Variants in CNTNAP5 observed in about 807,000 individuals in gnomAD.
The protein encoded by CNTNAP5 is contactin associated protein family member 5.
Under a neutral mutation model 150.2 loss-of-function variants are expected in CNTNAP5, and 72 were observed. That is an observed-to-expected ratio of 0.48 (90% confidence interval 0.40 to 0.58). The LOEUF (loss-of-function observed/expected upper bound fraction) is 0.58. CNTNAP5 is among the 20% of genes least tolerant of loss of function. CNTNAP5 has a pLI of 0.00. For synonymous variants in CNTNAP5, 672 were observed against 619.8 expected (o/e 1.08, Z -1.25); for missense variants, 1,636 against 1,626.2 (o/e 1.01, Z -0.10).
rs116312999 is a variant in CNTNAP5, at chr2:124,618,312, T to C, written c.1876+8392T>C. On this transcript the variant is annotated intron_variant, in intron 12 of 23. Transcript: ENST00000682447. ...ACTAAGAGGTAGCAACAAGATGTCCTCACAGCATGCATGGACCTTAGCACT... is the reference window on the plus strand; with the variant it reads ...ACTAAGAGGTAGCAACAAGATGTCCCCACAGCATGCATGGACCTTAGCACT... Among the ~76,000 whole-genome samples the C allele has an allele frequency of 2.9e-3, 441 of 152,280 alleles. 1 individual carries two copies. The highest frequency in any genetic ancestry group is 5.4e-3 in the Non-Finnish European group (369 of 68,012).
intron 19 of CNTNAP5, among the ~76,000 whole-genome samples, chr2:124,829,466 G>A (rs113548126): frequency 0.015 from 2,318 of 152,048 alleles, 54 homozygotes; most frequent in African/African-American, 0.053. Context: ...TTTTTAACTA[G>A]CATAATCTGA....
At chr2:124,390,471 A>G (rs1300400015) in intron 3 of CNTNAP5, among the ~76,000 whole-genome samples, 3 of 152,198 alleles carry the variant, frequency 2.0e-5, no homozygotes, top group Non-Finnish European at 4.4e-5. Context: ...CCCCAATCTG[A>G]TAAATATTAT....
At chr2:124,769,095 A>G (rs1384334833) in intron 16 of CNTNAP5, among the ~76,000 whole-genome samples, 1 of 152,098 alleles carries the variant, frequency 6.6e-6, no homozygotes, top group Non-Finnish European at 1.5e-5. Flanking sequence ...GAGGACACAG[A>G]AATGGAGTGT....
intron 1 of CNTNAP5, among the ~76,000 whole-genome samples, chr2:124,085,148 CT>C (rs1433624747): frequency 6.6e-6 from 1 of 151,980 alleles, no homozygotes; most frequent in Admixed American, 6.6e-5. Flanking sequence ...TCTTGAACCC[CT>C]GACCTCGTGA....
chr2:124,880,792 A>T (rs901437239), intron 21 of CNTNAP5, among the ~76,000 whole-genome samples: 3 of 152,158 alleles, frequency 2.0e-5, no homozygotes, highest in African/African-American at 7.2e-5. Flanking sequence ...AATAGTTTTG[A>T]TAAGTGCTTT....
intron 19 of CNTNAP5, among the ~76,000 whole-genome samples, chr2:124,844,192 A>T (rs1477417722): frequency 6.6e-6 from 1 of 151,924 alleles, no homozygotes. Flanking sequence ...TTTGTATAAG[A>T]TGAGAGATGG....
intron 13 of CNTNAP5, among the ~76,000 whole-genome samples, chr2:124,686,237 G>A (rs184458390): frequency 2.0e-5 from 3 of 152,222 alleles, no homozygotes; most frequent in Admixed American, 2.0e-4. Flanking sequence ...ACAGACACTA[G>A]ATAGTTCAGA....
At position 124,360,206 on chromosome 2, in the gene CNTNAP5, C is replaced by T. The variant is rs1188224619; in HGVS notation, c.382-57237C>T. Among the ~76,000 whole-genome samples, 22 of 151,248 alleles carry T rather than the reference C, an allele frequency of 1.5e-4. 1 individual carries two copies. Among genetic ancestry groups the T allele is most frequent in the Non-Finnish European group, 2.7e-4 (18 of 67,808 alleles). On this transcript the variant is annotated intron_variant, in intron 3 of 23. Coordinates refer to ENST00000682447, the MANE Select transcript of CNTNAP5 (RefSeq NM_001367498.1). ...TTTTGAGCCTATGTGTGTCTCTGTACGTGAGATGGGTTTCCTGAATACAGC... is the reference window on the plus strand; with the variant it reads ...TTTTGAGCCTATGTGTGTCTCTGTATGTGAGATGGGTTTCCTGAATACAGC...
intron 3 of CNTNAP5, among the ~76,000 whole-genome samples, chr2:124,413,847 A>G (rs1185985849): frequency 1.4e-5 from 2 of 146,238 alleles, no homozygotes; most frequent in African/African-American, 5.1e-5. Flanking sequence ...TAACCTGCAC[A>G]ATGTGCACAT....
chr2:124,914,616 A>T lies in CNTNAP5; in HGVS notation c.*328A>T. On this transcript the variant is annotated 3_prime_UTR_variant, in exon 24 of 24. Coordinates refer to ENST00000682447, the MANE Select transcript of CNTNAP5 (RefSeq NM_001367498.1). ...TTCCAGTTTCTAAAATGCACTGTTC[A>T]GTTTTCCAACCACTTGGTGGTTCAG... 5.1e-6 allele frequency: 1 copy of T among 194,598 alleles called. No homozygotes were observed. The highest frequency in any genetic ancestry group is 1.1e-4 in the South Asian group (1 of 8,858). The allele number at this position is 194,598 out of a possible 1,614,324, so 12.1% of individuals were successfully genotyped here.
chr2:124,025,926 A>G (rs534589896), intron 1 of CNTNAP5, among the ~76,000 whole-genome samples, 194 bp downstream of exon 1: 1 of 152,238 alleles, frequency 6.6e-6, no homozygotes, highest in African/African-American at 2.4e-5. Context: ...ACCGTGCTGG[A>G]TTTCCTCCCT....
chr2:124,637,581 C>T (rs901637693), intron 12 of CNTNAP5, among the ~76,000 whole-genome samples: 1 of 152,182 alleles, frequency 6.6e-6, no homozygotes, highest in African/African-American at 2.4e-5. Flanking sequence ...TGTAGTATTA[C>T]GTGAGCACAC....
intron 13 of CNTNAP5, among the ~76,000 whole-genome samples, chr2:124,707,191 A>AGAAGAAGAAGAG (rs1679706425): frequency 1.4e-5 from 2 of 147,898 alleles, no homozygotes; most frequent in African/African-American, 4.9e-5. Context: ...AAGAAGAAGA[A>AGAAGAAGAAGAG]GAAGAAGAAG....
intron 7 of CNTNAP5, among the ~76,000 whole-genome samples, chr2:124,477,832 G>T (rs1693677696): frequency 6.6e-6 from 1 of 151,944 alleles, no homozygotes; most frequent in Admixed American, 6.6e-5. Flanking sequence ...TTGAAATCAT[G>T]CACTACCAGA....
intron 2 of CNTNAP5, among the ~76,000 whole-genome samples, chr2:124,232,181 A>T (rs1170623): frequency 1.5e-4 from 23 of 152,076 alleles, no homozygotes; most frequent in Admixed American, 1.5e-3. Flanking sequence ...TTGCAACAAA[A>T]CTGTAAGAAT....
intron 6 of CNTNAP5, among the ~76,000 whole-genome samples, chr2:124,461,120 G>A (rs1008706304): frequency 3.9e-5 from 6 of 151,924 alleles, no homozygotes; most frequent in East Asian, 1.9e-4. Context: ...TCAGTGTGGC[G>A]ATTCCTCAGG....
In CNTNAP5 at chr2:124,536,749, G is replaced by A. The variant is rs144969752; in HGVS notation, c.1649+9293G>A. On this transcript the variant is annotated intron_variant, in intron 10 of 23. Transcript: ENST00000682447. ...GGAAGCAGCACTTCCTGAGGAACTT[G>A]AAGAGCAGGTTGGATTTACGGGGGT... Among the ~76,000 whole-genome samples the A allele has an allele frequency of 1.6e-3, 251 of 152,194 alleles. 1 individual carries two copies. Among genetic ancestry groups the A allele is most frequent in the African/African-American group, 5.7e-3 (237 of 41,516 alleles).
chr2:124,220,285 T>C lies in CNTNAP5; in HGVS notation c.83-1420T>C, dbSNP rs183781838. On this transcript the variant is annotated intron_variant, in intron 1 of 23. Coordinates refer to ENST00000682447, the MANE Select transcript of CNTNAP5 (RefSeq NM_001367498.1). ...CATGAAGTCATTGTTCAATGTCCTA[T>C]GAAATTAAATGTGTACAAGACAAAA... Among the ~76,000 whole-genome samples, 53 of 152,232 alleles carry C rather than the reference T, an allele frequency of 3.5e-4. 1 individual carries two copies. In the East Asian group the frequency reaches 0.01, roughly 29 times the overall value.
chr2:124,372,315 G>A (rs894009065), intron 3 of CNTNAP5, among the ~76,000 whole-genome samples: 3 of 151,972 alleles, frequency 2.0e-5, no homozygotes, highest in African/African-American at 7.3e-5. Flanking sequence ...TTGGACTTGG[G>A]CTGAGCATGC....
Sources: gnomAD v4.1 joint callset for allele counts (sites outside exome capture counted in the v4.1 genomes callset) on GRCh38, gnomAD v4.1.1 for gene constraint, MANE v1.5 for transcripts, NCBI Gene and HGNC (gene_info 2026-07-23, HGNC 2026-07-21) for gene names.